The following SIGMAR1 variants were observed in gnomAD, a reference collection of about 807,000 sequenced individuals.
SIGMAR1 encodes sigma non-opioid intracellular receptor 1, also known as SR31747 binding protein 1.
Under a neutral mutation model 25.4 loss-of-function variants are expected in SIGMAR1, and 18 were observed. The ratio of observed to expected loss-of-function variants is 0.71; its 90% confidence interval spans 0.49 to 1.05. The LOEUF (loss-of-function observed/expected upper bound fraction) is 1.05. Among genes scored for constraint, SIGMAR1 ranks in the 50% least tolerant of loss-of-function variants. The pLI is 0.00. For synonymous variants in SIGMAR1, 125 were observed against 131.6 expected, an observed-to-expected ratio of 0.95 and a Z score of 0.34; for missense variants, 249 against 301.6, an observed-to-expected ratio of 0.83 and a Z score of 1.29.
chr9:34,636,967 C>T, intron 3 of SIGMAR1, 30 bp downstream of exon 3: 1 of 1,586,680 alleles, frequency 6.3e-7, no homozygotes, highest in Non-Finnish European at 8.6e-7. Context: ...GTGAAGGGAC[C>T]CACTTCTCTG....
At chr9:34,637,499 C>A in intron 1 of SIGMAR1, 48 bp downstream of exon 1, 1 of 1,580,416 alleles carries the variant, frequency 6.3e-7, no homozygotes, top group Non-Finnish European at 8.6e-7. Context: ...GAACCCTAGG[C>A]TCCGCTCCCA....
At position 34,635,273 on chromosome 9, in the gene SIGMAR1, T is replaced by G; in HGVS notation, c.*359A>C. 4 of 352,808 alleles carry G rather than the reference T, an allele frequency of 1.1e-5. No individual in the cohort carries two copies. The highest frequency in any genetic ancestry group is 1.7e-5 in the Non-Finnish European group (3 of 181,684). The allele number at this position is 352,808 out of a possible 1,614,324, so 21.9% of individuals were successfully genotyped here. On this transcript the variant is annotated 3_prime_UTR_variant, in exon 4 of 4. Transcript: ENST00000277010. This position sits in a 1 kb window ranked among gnomAD's most constrained non-coding sequence, Gnocchi z 4.5. ...CCCATCCTTAACTCTAGAACCCCGGTTTGGTGGGGAGGAGGTGGGAAGCTG... is the reference window on the plus strand; with the variant it reads ...CCCATCCTTAACTCTAGAACCCCGGGTTGGTGGGGAGGAGGTGGGAAGCTG...
chr9:34,636,504 G>A (rs1448674472), intron 3 of SIGMAR1, among the ~76,000 whole-genome samples: 5 of 152,012 alleles, frequency 3.3e-5, no homozygotes, highest in Admixed American at 1.3e-4. Context: ...GCGTGGTGGC[G>A]GGCGCCTGTA....
At position 34,635,187 on chromosome 9, in the gene SIGMAR1, C is replaced by G. The variant is rs1354757552; in HGVS notation, c.*445G>C. On this transcript the variant is annotated 3_prime_UTR_variant, in exon 4 of 4. Coordinates refer to ENST00000277010, the MANE Select transcript of SIGMAR1 (RefSeq NM_005866.4). The surrounding 1 kb of genome is among the most constrained non-coding windows in gnomAD (Gnocchi z 4.5). ...CCTCCAAAAGGCAGCTCCTCTTCCC[C>G]CTCATCCCCTCAAATTGCTGCTGGG... is the stretch of plus-strand genomic sequence containing the variant. 3.8e-6 allele frequency: 1 copy of G among 263,314 alleles called. No individual in the cohort carries two copies. Among genetic ancestry groups the G allele is most frequent in the Non-Finnish European group, 7.5e-6 (1 of 132,628 alleles). 16.3% of individuals were successfully genotyped at this position (263,314 alleles called of 1,614,324 possible). A position where few individuals can be genotyped will look rare whatever the true frequency, so the allele number is the denominator to read the frequency against.
chr9:34,635,943 A>G lies in SIGMAR1; in HGVS notation c.446-85T>C. On this transcript the variant is annotated intron_variant, in intron 3 of 3. Coordinates refer to ENST00000277010, the MANE Select transcript of SIGMAR1 (RefSeq NM_005866.4). This position sits in a 1 kb window ranked among gnomAD's most constrained non-coding sequence, Gnocchi z 4.5. ...TGCTTCCCTGGCCCATGGACTAACT[A>G]GGGGTGGGGAATGGAGAGGGAGCTT... The G allele has an allele frequency of 2.5e-6, 4 of 1,584,084 alleles. No individual in the cohort carries two copies. The highest frequency in any genetic ancestry group is 3.4e-6 in the Non-Finnish European group (4 of 1,166,326).
At chr9:34,637,165 G>A (rs1820898544) in intron 2 of SIGMAR1, 55 bp downstream of exon 2, 2 of 1,584,836 alleles carry the variant, frequency 1.3e-6, no homozygotes, top group African/African-American at 1.3e-5. Context: ...AGAAAGGAGG[G>A]CATGGGCCCC....
chr9:34,635,640 C>T lies in SIGMAR1; in HGVS notation c.664G>A (p.Asp222Asn). The change falls in exon 4 of 4, where the codon GAC (aspartate) becomes AAC (asparagine). Residue 222 changes from aspartate to asparagine, a missense_variant. Transcript: ENST00000277010. This position sits in a 1 kb window ranked among gnomAD's most constrained non-coding sequence, Gnocchi z 4.5. Reference sequence around the variant, plus strand: ...CCTTCAGGCCTGGCTGGTCAAGGGTCCTGGCCAAAGAGGTAGGTGGTGAGC... The same window carrying T: ...CCTTCAGGCCTGGCTGGTCAAGGGTTCTGGCCAAAGAGGTAGGTGGTGAGC... ...LELTTYLFGQ[D>N]P 6.2e-7 allele frequency: 1 copy of T among 1,614,156 alleles called. No homozygotes were observed. Among genetic ancestry groups the T allele is most frequent in the Non-Finnish European group, 8.5e-7 (1 of 1,179,984 alleles).
At chr9:34,637,127 G>T in intron 2 of SIGMAR1, 38 bp from the exon 3 acceptor site, 1 of 1,611,868 alleles carries the variant, frequency 6.2e-7, no homozygotes, top group Non-Finnish European at 8.5e-7. Flanking sequence ...CAGGGTATTC[G>T]CGCCATTGCA....
intron 2 of SIGMAR1, 30 bp downstream of exon 2, chr9:34,637,190 C>T: frequency 1.3e-6 from 2 of 1,549,218 alleles, no homozygotes; most frequent in Non-Finnish European, 8.7e-7. Context: ...CAACCCCAGC[C>T]TCCCAGTCTG....
chr9:34,635,977 C>A lies in SIGMAR1; in HGVS notation c.446-119G>T. 5 of 1,448,832 alleles carry A rather than the reference C, an allele frequency of 3.5e-6. No individual in the cohort carries two copies. The Admixed American group carries it at 6.1e-5, about 18-fold the overall frequency. The allele number at this position is 1,448,832 out of a possible 1,614,324, so 89.7% of individuals were successfully genotyped here. On this transcript the variant is annotated intron_variant, in intron 3 of 3. Transcript: ENST00000277010. The surrounding 1 kb of genome is among the most constrained non-coding windows in gnomAD (Gnocchi z 4.5). ...GAATGGAGAGGGAGCTTCAGAAAAA[C>A]AAAAAGCCCTACCTCACTGGGCTGG... is the stretch of plus-strand genomic sequence containing the variant.
chr9:34,637,276 G>A lies in SIGMAR1; in HGVS notation c.296C>T (p.Ser99Leu). 5 of 1,578,100 alleles carry A rather than the reference G, an allele frequency of 3.2e-6. No homozygotes were observed. The highest frequency in any genetic ancestry group is 4.3e-6 in the Non-Finnish European group (5 of 1,166,270). Residue 99 changes from serine to leucine, a missense_variant, in exon 2 of 4, where the codon TCG becomes TTG. Transcript: ENST00000277010. ...WMGAMCLLHA[S>L]LSEYVLLFGT... ...GAAGAGCAGCACATACTCGGACAGC[G>A]AGGCGTGCAGAAGGCACATGGCGCC... is the stretch of plus-strand genomic sequence containing the variant.
intron 1 of SIGMAR1, 56 bp from the exon 2 acceptor site, chr9:34,637,476 G>A (rs932674457): frequency 6.3e-7 from 1 of 1,583,642 alleles, no homozygotes; most frequent in African/African-American, 1.3e-5. Context: ...TAGGTCCGGG[G>A]ATGGCGCCTT....
Position 34,635,880 on chromosome 9 carries a change from A to T in SIGMAR1, c.446-22T>A. On this transcript the variant is annotated intron_variant, in intron 3 of 3. Transcript: ENST00000277010. This position sits in a 1 kb window ranked among gnomAD's most constrained non-coding sequence, Gnocchi z 4.5. The stretch of plus-strand genomic sequence containing the variant: ...TCCCCTGGGGGACAGGGAGCACCCA[A>T]GTGAAAAGCCAGCTCTGCCCTGCCC... 6.2e-7 allele frequency: 1 copy of T among 1,613,462 alleles called. No homozygotes were observed. The highest frequency in any genetic ancestry group is 8.5e-7 in the Non-Finnish European group (1 of 1,179,968).
In SIGMAR1 at chr9:34,635,359, C is replaced by A; in HGVS notation, c.*273G>T. ...CTGTGATGTGTGTGTCTGAACACAA[C>A]TGGCTCCCTTGGTATACCGGGGGCT... is the stretch of plus-strand genomic sequence containing the variant. On this transcript the variant is annotated 3_prime_UTR_variant, in exon 4 of 4. Coordinates refer to ENST00000277010, the MANE Select transcript of SIGMAR1 (RefSeq NM_005866.4). The surrounding 1 kb of genome is among the most constrained non-coding windows in gnomAD (Gnocchi z 4.5). The A allele has an allele frequency of 2.0e-6, 1 of 496,290 alleles. No homozygotes were observed. The highest frequency in any genetic ancestry group is 2.0e-5 in the South Asian group (1 of 49,642). 30.7% of individuals were successfully genotyped at this position (496,290 alleles called of 1,614,324 possible). A position where few individuals can be genotyped will look rare whatever the true frequency, so the allele number is the denominator to read the frequency against.
Position 34,637,661 on chromosome 9 carries a change from C to G in SIGMAR1, c.37G>C (p.Ala13Pro). The G allele has an allele frequency of 6.5e-7, 1 of 1,533,998 alleles. No individual in the cohort carries two copies. Among genetic ancestry groups the G allele is most frequent in the Non-Finnish European group, 8.7e-7 (1 of 1,145,208 alleles). ...WAVGRRWAWA[A>P]LLLAVAAVLT... ...ACCGCTGCGACAGCCAGGAGCAGCGCGGCCCACGCCCACCGCCGGCCCACG... is the reference window on the plus strand; with the variant it reads ...ACCGCTGCGACAGCCAGGAGCAGCGGGGCCCACGCCCACCGCCGGCCCACG... Residue 13 changes from alanine (A) to proline (P), a missense_variant, in exon 1 of 4, where the codon GCG becomes CCG. Transcript: ENST00000277010.
In SIGMAR1 at chr9:34,637,721, G is replaced by C; in HGVS notation, c.-24C>G. ...ATCCCGGCGGGCGGCCTGGCACGGCGCAGCTCAGGAGGGAGCCGGGGCCTG... is the reference window on the plus strand; with the variant it reads ...ATCCCGGCGGGCGGCCTGGCACGGCCCAGCTCAGGAGGGAGCCGGGGCCTG... On this transcript the variant is annotated 5_prime_UTR_variant, in exon 1 of 4. Coordinates refer to ENST00000277010, the MANE Select transcript of SIGMAR1 (RefSeq NM_005866.4). The C allele has an allele frequency of 6.7e-7, 1 of 1,494,294 alleles. No homozygotes were observed. Among genetic ancestry groups the C allele is most frequent in the Non-Finnish European group, 8.9e-7 (1 of 1,122,510 alleles). 92.6% of individuals were successfully genotyped at this position (1,494,294 alleles called of 1,614,324 possible).
At position 34,635,661 on chromosome 9, in the gene SIGMAR1, TG is replaced by T; in HGVS notation, c.642del (p.Thr215ProfsTer47). ...GGGTCCTGGCCAAAGAGGTAGGTGG[TG>T]AGCTCAAGCCGGAGGCCCCGAGCAT... ...RSYARGLRLE[L>X]TTYLFGQDP On this transcript the variant is annotated frameshift_variant, in exon 4 of 4. Coordinates refer to ENST00000277010, the MANE Select transcript of SIGMAR1 (RefSeq NM_005866.4). LOFTEE classifies it high-confidence loss of function. The surrounding 1 kb of genome is among the most constrained non-coding windows in gnomAD (Gnocchi z 4.5). The T allele has an allele frequency of 4.3e-6, 7 of 1,614,154 alleles. No homozygotes were observed. The highest frequency in any genetic ancestry group is 5.9e-6 in the Non-Finnish European group (7 of 1,180,008).
At position 34,637,678 on chromosome 9, in the gene SIGMAR1, C is replaced by T; in HGVS notation, c.20G>A (p.Arg7Gln). 1 of 1,531,254 alleles carries T rather than the reference C, an allele frequency of 6.5e-7. No individual in the cohort carries two copies. The highest frequency in any genetic ancestry group is 8.7e-7 in the Non-Finnish European group (1 of 1,144,152). 94.9% of individuals were successfully genotyped at this position (1,531,254 alleles called of 1,614,324 possible). The change falls in exon 1 of 4, where the codon CGG becomes CAG. Residue 7 changes from arginine to glutamine, a missense_variant. Arg to Gln is a conservative substitution (Grantham distance 43). Transcript: ENST00000277010. MQWAVG[R>Q]RWAWAALLLA... is the part of the protein sequence containing the mutation. Reference sequence around the variant, plus strand: ...GAGCAGCGCGGCCCACGCCCACCGCCGGCCCACGGCCCACTGCATCCCGGC... The same window carrying T: ...GAGCAGCGCGGCCCACGCCCACCGCTGGCCCACGGCCCACTGCATCCCGGC...
Position 34,635,815 on chromosome 9 carries a change from C to T in SIGMAR1, c.489G>A (p.Glu163=). ...VHGPGEATAV[E]WGPNTWMVEY... ...CCACCATCCATGTGTTTGGCCCCCA[C>T]TCCACAGCTGTTGCCTCACCAGGCC... Residue 163 remains glutamate (E), a synonymous_variant, in exon 4 of 4, where the codon GAG becomes GAA. Coordinates refer to ENST00000277010, the MANE Select transcript of SIGMAR1 (RefSeq NM_005866.4). The surrounding 1 kb of genome is among the most constrained non-coding windows in gnomAD (Gnocchi z 4.5). 6 of 1,614,230 alleles carry T rather than the reference C, an allele frequency of 3.7e-6. No homozygotes were observed. Among genetic ancestry groups the T allele is most frequent in the Middle Eastern group, 1.6e-4 (1 of 6,062 alleles).
Sources: gnomAD v4.1 joint callset for allele counts (sites outside exome capture counted in the v4.1 genomes callset) on GRCh38, gnomAD v4.1.1 for gene constraint, Gnocchi (gnomAD v3.1) non-coding constraint, MANE v1.5 for transcripts, NCBI Gene and HGNC (gene_info 2026-07-23, HGNC 2026-07-21) for gene names.